Variants in TMEM182 observed in about 807,000 individuals in gnomAD.
TMEM182 encodes the protein transmembrane protein 182.
Under a neutral mutation model 26.8 loss-of-function variants are expected in TMEM182, and 20 were observed. The observed-to-expected ratio is 0.75, with a 90% confidence interval of 0.53 to 1.09. The LOEUF (loss-of-function observed/expected upper bound fraction) is 1.09, where lower values mean the gene tolerates loss of function less well. Ranked by LOEUF, TMEM182 falls within the 50% of genes least tolerant of loss-of-function variation. The pLI is 0.00. For synonymous variants in TMEM182, 109 were observed against 102.2 expected (o/e 1.07, Z -0.40); for missense variants, 277 against 275.5 (o/e 1.01, Z -0.04).
intron 3 of TMEM182, among the ~76,000 whole-genome samples, chr2:102,770,534 A>T (rs1680630231): frequency 6.6e-6 from 1 of 152,144 alleles, no homozygotes. Context: ...ATTTTCCTGC[A>T]CATTTTGTCA....
At position 102,798,773 on chromosome 2, in the gene TMEM182, G is replaced by A. The variant is rs553305421; in HGVS notation, c.469+773G>A. On this transcript the variant is annotated intron_variant, in intron 4 of 4. Transcript: ENST00000412401. Reference sequence around the variant, plus strand: ...GGAGAATCACTTGAACTCGGGAGGCGGAGGTTGCATTGAGCGAGATTGTGC... The same window carrying A: ...GGAGAATCACTTGAACTCGGGAGGCAGAGGTTGCATTGAGCGAGATTGTGC... Among the ~76,000 whole-genome samples, 50 of 152,212 alleles carry A rather than the reference G, an allele frequency of 3.3e-4. No individual in the cohort carries two copies. The East Asian group carries it at 3.9e-3, about 12-fold the overall frequency.
chr2:102,761,413 A>G (rs1223507545), upstream of TMEM182, among the ~76,000 whole-genome samples: 2 of 152,214 alleles, frequency 1.3e-5, no homozygotes, highest in African/African-American at 4.8e-5. Context: ...TATTTGGAAT[A>G]ACTTGTATAA....
intron 4 of TMEM182, among the ~76,000 whole-genome samples, chr2:102,803,119 T>C (rs1682215134): frequency 6.6e-6 from 1 of 152,126 alleles, no homozygotes; most frequent in Admixed American, 6.5e-5. Flanking sequence ...ATCTTTGCAG[T>C]GTAGCTTAGT....
intron 3 of TMEM182, among the ~76,000 whole-genome samples, chr2:102,767,962 T>G (rs1489374798): frequency 6.6e-6 from 1 of 152,096 alleles, no homozygotes; most frequent in Non-Finnish European, 1.5e-5. Flanking sequence ...CCAAATGCTG[T>G]TCCTCTCTTC....
At chr2:102,753,525 A>G (rs1483062658) in intron 1 of TMEM182, among the ~76,000 whole-genome samples, 2 of 138,282 alleles carry the variant, frequency 1.4e-5, no homozygotes, top group Admixed American at 7.4e-5. Flanking sequence ...TTGTTCTACT[A>G]TATGTATTTT....
chr2:102,830,420 C>G (rs1415582924), intron 3 of TMEM182, among the ~76,000 whole-genome samples: 1 of 152,018 alleles, frequency 6.6e-6, no homozygotes, highest in East Asian at 1.9e-4. Flanking sequence ...GATCCTAGCT[C>G]TAATCATGAA....
At chr2:102,761,663 T>C (rs1290782826), upstream of TMEM182, among the ~76,000 whole-genome samples, 2 of 152,224 alleles carry the variant, frequency 1.3e-5, no homozygotes, top group Non-Finnish European at 2.9e-5. Flanking sequence ...ACAACTTCAA[T>C]TGTGTTCAAG....
intron 3 of TMEM182, among the ~76,000 whole-genome samples, chr2:102,792,320 A>G (rs1243675203): frequency 1.3e-5 from 2 of 152,206 alleles, no homozygotes; most frequent in African/African-American, 4.8e-5. Flanking sequence ...GCCGCTTTTC[A>G]TATATTATAT....
chr2:102,798,820 A>G (rs1681991152), intron 4 of TMEM182, among the ~76,000 whole-genome samples: 1 of 152,080 alleles, frequency 6.6e-6, no homozygotes, highest in Non-Finnish European at 1.5e-5. Flanking sequence ...AGCCTGGATG[A>G]CAGAGCGAGA....
intron 1 of TMEM182, among the ~76,000 whole-genome samples, chr2:102,750,317 A>G (rs2732834): frequency 0.25 from 37,865 of 152,114 alleles, 4,752 homozygotes; most frequent in Middle Eastern, 0.28. Flanking sequence ...TTATCATTGT[A>G]TAATGTATGA....
chr2:102,838,666 CAG>C (rs1362650732), intron 3 of TMEM182, among the ~76,000 whole-genome samples: 3 of 152,114 alleles, frequency 2.0e-5, no homozygotes, highest in Non-Finnish European at 4.4e-5. Flanking sequence ...AAGTGGACAA[CAG>C]GGGCTGGACG....
intron 1 of TMEM182, among the ~76,000 whole-genome samples, chr2:102,742,982 A>T (rs939965220): frequency 1.3e-5 from 2 of 152,324 alleles, no homozygotes; most frequent in East Asian, 3.9e-4. Flanking sequence ...TAAATTAGTG[A>T]ACAGTGTCAG....
chr2:102,807,802 C>T (rs1682403486), intron 4 of TMEM182, among the ~76,000 whole-genome samples: 1 of 152,168 alleles, frequency 6.6e-6, no homozygotes. Flanking sequence ...AGCCCTCAGA[C>T]ACTTCGATTT....
intron 3 of TMEM182, among the ~76,000 whole-genome samples, chr2:102,765,119 A>G (rs370223119): frequency 3.3e-5 from 5 of 152,194 alleles, no homozygotes; most frequent in African/African-American, 1.2e-4. Flanking sequence ...AAAAAGAGAA[A>G]CAATAGAACA....
At chr2:102,780,883 G>A (rs1681140743) in intron 3 of TMEM182, among the ~76,000 whole-genome samples, 1 of 152,182 alleles carries the variant, frequency 6.6e-6, no homozygotes, top group South Asian at 2.1e-4. Flanking sequence ...CCTTTACCTG[G>A]TCCTTTGGAT....
chr2:102,792,579 A>G (rs548781388), intron 3 of TMEM182, among the ~76,000 whole-genome samples: 1 of 152,242 alleles, frequency 6.6e-6, no homozygotes, highest in African/African-American at 2.4e-5. Flanking sequence ...TTAATTCTGC[A>G]ATCAAAGTAT....
intron 3 of TMEM182, among the ~76,000 whole-genome samples, chr2:102,824,455 TTC>T (rs1385167083): frequency 1.3e-5 from 2 of 152,058 alleles, no homozygotes; most frequent in Admixed American, 1.3e-4. Context: ...TGATAGTGAG[TTC>T]TCTCAAGATT....
intron 3 of TMEM182, among the ~76,000 whole-genome samples, chr2:102,780,853 T>G (rs1457743993): frequency 6.6e-6 from 1 of 152,194 alleles, no homozygotes; most frequent in Non-Finnish European, 1.5e-5. Flanking sequence ...TTCTAAAAGT[T>G]TTTTGCCTTG....
In TMEM182 at chr2:102,816,995, A is replaced by G. The variant is rs897931772; in HGVS notation, c.*2027A>G. ...ACAATTGGCTGAATAGCTGATGTGT[A>G]TGACACTTTTACACAGATTTGCACT... On this transcript the variant is annotated 3_prime_UTR_variant, in exon 5 of 5. Coordinates refer to ENST00000412401, the MANE Select transcript of TMEM182 (RefSeq NM_144632.5). 4.1e-6 allele frequency: 4 copies of G among 985,714 alleles called. No homozygotes were observed. In the African/African-American group the frequency reaches 5.2e-5, roughly 13 times the overall value. 61.1% of individuals were successfully genotyped at this position (985,714 alleles called of 1,614,324 possible). A position where few individuals can be genotyped will look rare whatever the true frequency, so the allele number is the denominator to read the frequency against.
Sources: allele counts gnomAD v4.1 joint callset (sites outside exome capture counted in the v4.1 genomes callset), GRCh38; gene constraint gnomAD v4.1.1; transcripts MANE v1.5; gene names NCBI Gene and HGNC (gene_info 2026-07-23, HGNC 2026-07-21).